HOPX: variants seen among roughly 807,000 people sequenced by gnomAD.
The protein encoded by HOPX is HOP homeobox.
HOPX carries 5 observed loss-of-function variants against 11.8 expected under a neutral mutation model. That is an observed-to-expected ratio of 0.43 (90% CI 0.22 to 0.89). The LOEUF is 0.89. HOPX is among the 40% of genes least tolerant of loss of function. HOPX has a pLI of 0.28. For synonymous variants in HOPX, 49 were observed against 49.7 expected (o/e 0.99, Z 0.06); for missense variants, 119 against 120.0 (o/e 0.99, Z 0.04).
At chr4:56,677,131 A>T (rs1229719839) in intron 1 of HOPX, among the ~76,000 whole-genome samples, 1 of 151,868 alleles carries the variant, frequency 6.6e-6, no homozygotes, top group Non-Finnish European at 1.5e-5. Context: ...TCTCCATTAT[A>T]GTAACCTTAA....
chr4:56,656,302 G>T, intron 2 of HOPX: 9 of 1,116,072 alleles, frequency 8.1e-6, no homozygotes, highest in Non-Finnish European at 9.8e-6. Flanking sequence ...ATCCCTGCCT[G>T]CGACGGGGGC....
intron 1 of HOPX, chr4:56,663,991 A>G (rs1353192906): frequency 2.0e-5 from 3 of 152,170 alleles, no homozygotes; most frequent in Admixed American, 1.3e-4. Flanking sequence ...TTGAAATGTC[A>G]CTTTGCTGAG....
intron 3 of HOPX, chr4:56,650,550 T>C (rs758846753): frequency 3.3e-6 from 3 of 921,942 alleles, no homozygotes; most frequent in Non-Finnish European, 4.9e-6. Flanking sequence ...GGTAAGGCTC[T>C]GCAGGACTGC....
chr4:56,677,728 G>C (rs536080007), intron 1 of HOPX, among the ~76,000 whole-genome samples: 2 of 151,644 alleles, frequency 1.3e-5, no homozygotes, highest in South Asian at 4.2e-4. Flanking sequence ...GAGAGCTAAG[G>C]AGCCACAGAC....
chr4:56,679,651 T>C (rs974043689), intron 1 of HOPX: 11 of 152,204 alleles, frequency 7.2e-5, no homozygotes, highest in African/African-American at 2.7e-4. Flanking sequence ...CTAATTTTTG[T>C]ATTTTTAGTA....
At chr4:56,650,912 T>G in intron 3 of HOPX, 1 of 1,187,236 alleles carries the variant, frequency 8.4e-7, no homozygotes, top group Non-Finnish European at 1.2e-6. Flanking sequence ...GTGCGTGTGT[T>G]TAGTTAACTC....
intron 3 of HOPX, 72 bp downstream of exon 3, chr4:56,655,785 A>T: frequency 1.3e-6 from 2 of 1,508,888 alleles, no homozygotes; most frequent in African/African-American, 1.6e-5. Context: ...GCGGACGAAC[A>T]GGACCGCCCA....
intron 1 of HOPX, among the ~76,000 whole-genome samples, chr4:56,674,643 G>T (rs1718905471): frequency 6.6e-6 from 1 of 151,622 alleles, no homozygotes; most frequent in African/African-American, 2.4e-5. Flanking sequence ...TTTGTGAAAG[G>T]TCTGGCACTG....
In HOPX at chr4:56,678,005, C is replaced by G. The variant is rs960343014; in HGVS notation, c.-84+3250G>C. 2.6e-5 allele frequency among the ~76,000 whole-genome samples: 4 copies of G among 151,694 alleles called. No homozygotes were observed. The East Asian group carries it at 7.7e-4, about 29-fold the overall frequency. On this transcript the variant is annotated intron_variant, in intron 1 of 3. Transcript: ENST00000420433. ...AAAAAAGGAAGCTTTAGTTTTGAAA[C>G]ATCCCTTCTCACTCATTAGCACAAT...
At chr4:56,662,113 T>C (rs1189648338) in intron 1 of HOPX, among the ~76,000 whole-genome samples, 1 of 151,814 alleles carries the variant, frequency 6.6e-6, no homozygotes, top group Non-Finnish European at 1.5e-5. Context: ...AGATGGAAAG[T>C]ATAAAAGAAA....
intron 1 of HOPX, among the ~76,000 whole-genome samples, chr4:56,669,755 C>T (rs1201491336): frequency 6.6e-6 from 1 of 151,964 alleles, no homozygotes; most frequent in Non-Finnish European, 1.5e-5. Context: ...ACCTGGATAT[C>T]GGGTCCCCTT....
chr4:56,651,873 AGTGTGTGT>A (rs796685500), intron 3 of HOPX, among the ~76,000 whole-genome samples: 9,721 of 136,544 alleles, frequency 0.071, 384 homozygotes, highest in East Asian at 0.2. Context: ...AGAGAGAGAG[AGTGTGTGT>A]GTGTGTGTGT....
At chr4:56,676,837 G>A (rs970509675) in intron 1 of HOPX, among the ~76,000 whole-genome samples, 4 of 150,986 alleles carry the variant, frequency 2.6e-5, no homozygotes, top group African/African-American at 7.3e-5. Context: ...ACCCAGCCAC[G>A]CCCCTCTTCA....
chr4:56,675,920 C>T lies in HOPX; in HGVS notation c.-84+5335G>A, dbSNP rs960730275. ...CAGGTTACTGCTTTATAAACCACTCCAAGCCATAGGTCATCCTTCTACCAA... is the reference window on the plus strand; with the variant it reads ...CAGGTTACTGCTTTATAAACCACTCTAAGCCATAGGTCATCCTTCTACCAA... On this transcript the variant is annotated intron_variant, in intron 1 of 3. Transcript: ENST00000420433. Among the ~76,000 whole-genome samples, 5 of 151,738 alleles carry T rather than the reference C, an allele frequency of 3.3e-5. 1 individual carries two copies. The highest frequency in any genetic ancestry group is 1.2e-4 in the African/African-American group (5 of 40,982).
intron 2 of HOPX, chr4:56,656,597 G>T: frequency 5.0e-6 from 2 of 403,810 alleles, no homozygotes; most frequent in Non-Finnish European, 6.7e-6. Flanking sequence ...AAAGTTCCCC[G>T]CAAGACAAGT....
intron 1 of HOPX, among the ~76,000 whole-genome samples, chr4:56,671,352 C>T (rs1718724579): frequency 6.6e-6 from 1 of 151,992 alleles, no homozygotes; most frequent in African/African-American, 2.4e-5. Flanking sequence ...ACAGAACTTC[C>T]TCAGGTTAGT....
At chr4:56,658,990 A>G (rs566196369) in intron 1 of HOPX, among the ~76,000 whole-genome samples, 22 of 152,350 alleles carry the variant, frequency 1.4e-4, no homozygotes, top group Middle Eastern at 3.4e-3. Flanking sequence ...TTTGTCCCCT[A>G]ATCCTGTAAT....
At chr4:56,676,550 T>C (rs1719026460) in intron 1 of HOPX, 1 of 151,610 alleles carries the variant, frequency 6.6e-6, no homozygotes, top group Non-Finnish European at 1.5e-5. Flanking sequence ...TCTTTTTTTT[T>C]TTATTTTGGA....
At chr4:56,665,301 G>A (rs1272455172) in intron 1 of HOPX, 4 of 152,164 alleles carry the variant, frequency 2.6e-5, no homozygotes, top group Non-Finnish European at 5.9e-5. Context: ...GTCTTCTCCA[G>A]TAAATTATAT....
Sources: gnomAD v4.1 joint callset for allele counts (sites outside exome capture counted in the v4.1 genomes callset) on GRCh38, gnomAD v4.1.1 for gene constraint, MANE v1.5 for transcripts, NCBI Gene and HGNC (gene_info 2026-07-23, HGNC 2026-07-21) for gene names.